RARB: variants seen among roughly 807,000 people sequenced by gnomAD.
RARB encodes the protein HBV-activated protein.
RARB carries 17 observed loss-of-function variants against 51.9 expected under a neutral mutation model. That is an observed-to-expected ratio of 0.33 (90% CI 0.22 to 0.49). The LOEUF (loss-of-function observed/expected upper bound fraction) is 0.49. RARB is among the 20% of genes least tolerant of loss of function. The pLI is 0.99. For synonymous variants in RARB, 215 were observed against 195.4 expected, an observed-to-expected ratio of 1.10 and a Z score of -0.84; for missense variants, 369 against 550.8, an observed-to-expected ratio of 0.67 and a Z score of 3.30.
intron 2 of RARB, among the ~76,000 whole-genome samples, chr3:24,894,145 G>C (rs1703436661): frequency 6.6e-6 from 1 of 152,054 alleles, no homozygotes; most frequent in South Asian, 2.1e-4. Flanking sequence ...ACAGATTAAA[G>C]GATACATGTG....
At chr3:24,912,996 T>TTTTTTTTTTA (rs1491080482) in intron 2 of RARB, among the ~76,000 whole-genome samples, 2 of 133,006 alleles carry the variant, frequency 1.5e-5, no homozygotes, top group African/African-American at 5.8e-5. Context: ...TTTTTTTTTT[T>TTTTTTTTTTA]TGGAGACAGA....
chr3:24,954,860 C>A (rs1158358990), intron 2 of RARB, among the ~76,000 whole-genome samples: 2 of 152,108 alleles, frequency 1.3e-5, no homozygotes, highest in African/African-American at 4.8e-5. Context: ...AAACTCCTTG[C>A]AGGAGTGGGG....
chr3:25,259,136 C>T, intron 5 of RARB: 1 of 916,102 alleles, frequency 1.1e-6, no homozygotes, highest in Non-Finnish European at 1.3e-6. Flanking sequence ...TCTCAAGAAA[C>T]ACTATTTAAT....
chr3:24,953,761 T>C (rs532770371), intron 2 of RARB, among the ~76,000 whole-genome samples: 5 of 152,312 alleles, frequency 3.3e-5, no homozygotes, highest in African/African-American at 1.2e-4. Context: ...CCACCTCATA[T>C]ACGTTCCCCT....
chr3:25,435,710 A>T (rs1477445481), intron 1 of RARB, among the ~76,000 whole-genome samples: 1 of 152,208 alleles, frequency 6.6e-6, no homozygotes, highest in African/African-American at 2.4e-5. Context: ...GAAGCTGTAT[A>T]AAAAGGCATA....
chr3:24,868,807 G>C (rs1353213696), intron 2 of RARB, among the ~76,000 whole-genome samples: 5 of 152,124 alleles, frequency 3.3e-5, no homozygotes, highest in Non-Finnish European at 5.9e-5. Flanking sequence ...ATTGCTAACA[G>C]AAAATCTTTA....
chr3:24,939,975 T>C (rs1181696856), intron 2 of RARB, among the ~76,000 whole-genome samples: 1 of 152,208 alleles, frequency 6.6e-6, no homozygotes, highest in Non-Finnish European at 1.5e-5. Context: ...TTTGGATAAA[T>C]TTTGTGATTC....
chr3:25,001,548 T>C (rs184278322), intron 2 of RARB, among the ~76,000 whole-genome samples: 163 of 152,214 alleles, frequency 1.1e-3, no homozygotes, highest in Non-Finnish European at 1.8e-3. Flanking sequence ...ACCACAGTGA[T>C]TGACTGTGGC....
chr3:25,067,942 G>T (rs1352203767), intron 3 of RARB, among the ~76,000 whole-genome samples: 2 of 151,624 alleles, frequency 1.3e-5, no homozygotes, highest in Non-Finnish European at 2.9e-5. Context: ...TTTGAGACCA[G>T]GCTGGCCGGC....
At chr3:25,121,230 G>T (rs1397964764) in intron 3 of RARB, among the ~76,000 whole-genome samples, 1 of 152,074 alleles carries the variant, frequency 6.6e-6, no homozygotes, top group Non-Finnish European at 1.5e-5. Context: ...GAATTTTCAG[G>T]CATGACATGT....
intron 3 of RARB, among the ~76,000 whole-genome samples, chr3:25,533,201 ATTACT>A (rs1423708447): frequency 2.0e-5 from 3 of 152,220 alleles, no homozygotes; most frequent in Non-Finnish European, 4.4e-5. Flanking sequence ...AAGGGGACAC[ATTACT>A]TTGTTTATAT....
intron 3 of RARB, among the ~76,000 whole-genome samples, chr3:25,075,129 C>G (rs577217255): frequency 6.6e-6 from 1 of 152,302 alleles, no homozygotes; most frequent in South Asian, 2.1e-4. Flanking sequence ...GTAACACAGT[C>G]TAAGATGCAG....
rs1326362737 is a variant in RARB at position 25,477,404 on chromosome 3, G to T, written c.306+16063G>T. ...GGGTGACTGTTTCCTTTACACAATG[G>T]TTGAACTTATCAATTATTCAGGTTA... On this transcript the variant is annotated intron_variant, in intron 2 of 7. Coordinates refer to ENST00000330688, the MANE Select transcript of RARB (RefSeq NM_000965.5). Among the ~76,000 whole-genome samples the T allele has an allele frequency of 2.6e-5, 4 of 152,222 alleles. No individual in the cohort carries two copies. In the East Asian group the frequency reaches 7.7e-4, roughly 29 times the overall value.
chr3:25,060,020 T>A (rs894989522), intron 2 of RARB: 1 of 151,746 alleles, frequency 6.6e-6, no homozygotes, highest in African/African-American at 2.4e-5. Flanking sequence ...AAAATAGTTA[T>A]CAAAATTATA....
chr3:25,396,188 T>G (rs963841687), intron 5 of RARB, among the ~76,000 whole-genome samples: 1 of 152,236 alleles, frequency 6.6e-6, no homozygotes, highest in African/African-American at 2.4e-5. Context: ...GGGGAGGGTC[T>G]GTAAAGAGTC....
intron 4 of RARB, among the ~76,000 whole-genome samples, chr3:25,574,206 A>C (rs1319427020): frequency 6.6e-6 from 1 of 152,162 alleles, no homozygotes; most frequent in Non-Finnish European, 1.5e-5. Context: ...TTTGGGCTTT[A>C]GGGCCTCATA....
intron 2 of RARB, among the ~76,000 whole-genome samples, chr3:24,859,755 T>G (rs987204019): frequency 6.6e-6 from 1 of 152,238 alleles, no homozygotes; most frequent in African/African-American, 2.4e-5. Flanking sequence ...CAGTAAATAT[T>G]TTAGGCTTTT....
intron 5 of RARB, among the ~76,000 whole-genome samples, chr3:25,246,534 T>C (rs1213898751): frequency 1.3e-5 from 2 of 152,158 alleles, no homozygotes; most frequent in Non-Finnish European, 2.9e-5. Flanking sequence ...ATATTGTTGC[T>C]ATTCCTTTCT....
intron 5 of RARB, among the ~76,000 whole-genome samples, chr3:25,196,804 A>G (rs1323345004): frequency 2.0e-5 from 3 of 152,008 alleles, no homozygotes; most frequent in East Asian, 1.9e-4. Flanking sequence ...TTTGATTTGC[A>G]TTTGTCTGAT....
Sources: allele counts gnomAD v4.1 joint callset (sites outside exome capture counted in the v4.1 genomes callset), GRCh38; gene constraint gnomAD v4.1.1; transcripts MANE v1.5; gene names NCBI Gene and HGNC (gene_info 2026-07-23, HGNC 2026-07-21).